OTUD7B: variants seen among roughly 807,000 people sequenced by gnomAD.
OTUD7B encodes the protein OTU deubiquitinase 7B, also known as OTU domain-containing protein 7B.
OTUD7B carries 34 observed loss-of-function variants against 82.2 expected under a neutral mutation model. The ratio of observed to expected loss-of-function variants is 0.41; its 90% CI spans 0.31 to 0.55. OTUD7B has a LOEUF of 0.55. Ranked by LOEUF, OTUD7B falls within the 20% of genes least tolerant of loss-of-function variation. The pLI is 0.20. For missense variants in OTUD7B, 944 were observed against 1,062.1 expected, an observed-to-expected ratio of 0.89 and a Z score of 1.55; for synonymous variants, 398 against 402.7, an observed-to-expected ratio of 0.99 and a Z score of 0.14.
chr1:150,022,601 T>C, the OTUD7B span, among the ~76,000 whole-genome samples: 1 of 151,878 alleles, frequency 6.6e-6, no homozygotes, highest in African/African-American at 2.4e-5. Context: ...TGGGAGCTCA[T>C]TGGAAATGCA....
chr1:150,030,047 G>T, the OTUD7B span, among the ~76,000 whole-genome samples: 1 of 152,164 alleles, frequency 6.6e-6, no homozygotes, highest in African/African-American at 2.4e-5. Context: ...TGATTTCTCT[G>T]CTACTGCATT....
the OTUD7B span, among the ~76,000 whole-genome samples, chr1:150,023,377 T>G: frequency 6.6e-6 from 1 of 152,104 alleles, no homozygotes; most frequent in South Asian, 2.1e-4. Flanking sequence ...AGCCAAGACA[T>G]AGAAGCAACC....
chr1:149,979,757 T>C (rs1179185830), intron 1 of OTUD7B, among the ~76,000 whole-genome samples: 3 of 152,196 alleles, frequency 2.0e-5, no homozygotes, highest in East Asian at 1.9e-4. Context: ...TCAGAATTAA[T>C]AGATGAATGA....
chr1:149,997,533 C>T (rs1474965824), intron 1 of OTUD7B, among the ~76,000 whole-genome samples: 1 of 152,128 alleles, frequency 6.6e-6, no homozygotes, highest in African/African-American at 2.4e-5. Flanking sequence ...TACCTTCTTG[C>T]AGGGAGAGTG....
At position 149,947,313 on chromosome 1, in the gene OTUD7B, T is replaced by C. The variant is rs370554158; in HGVS notation, c.1261A>G (p.Lys421Glu). Residue 421 changes from lysine to glutamate, a missense_variant, in exon 11 of 12, where the codon AAA becomes GAA. Transcript: ENST00000581312. ...ATGTAGCTATGCAGCAGATGCAATT[T>C]GACCTCTAGGGACAGAATTACACTA... ...LASVILSLEV[K>E]LHLLHSYMNV... The C allele has an allele frequency of 3.1e-6, 5 of 1,607,442 alleles. No homozygotes were observed. Among genetic ancestry groups the C allele is most frequent in the East Asian group, 2.2e-5 (1 of 44,826 alleles).
At chr1:150,045,098 T>C in the OTUD7B span, among the ~76,000 whole-genome samples, 1 of 151,478 alleles carries the variant, frequency 6.6e-6, no homozygotes, top group Non-Finnish European at 1.5e-5. Flanking sequence ...AACTAAATTT[T>C]TTTTTTTTTT....
At chr1:150,063,328 G>A in the OTUD7B span, among the ~76,000 whole-genome samples, 2 of 152,134 alleles carry the variant, frequency 1.3e-5, no homozygotes, top group Admixed American at 6.5e-5. Context: ...GCGGGCACCT[G>A]TAGTGCCAGT....
At chr1:150,019,026 G>A in the OTUD7B span, among the ~76,000 whole-genome samples, 5 of 152,116 alleles carry the variant, frequency 3.3e-5, no homozygotes, top group Non-Finnish European at 7.3e-5. Flanking sequence ...GGAATACCCC[G>A]ATCTAGACAT....
chr1:149,981,986 A>G (rs1471736588), intron 1 of OTUD7B, among the ~76,000 whole-genome samples: 6 of 152,044 alleles, frequency 3.9e-5, no homozygotes, highest in African/African-American at 1.4e-4. Flanking sequence ...TGTCTCTACT[A>G]CAAATACAAA....
At chr1:149,968,607 T>C (rs1480692962) in intron 3 of OTUD7B, among the ~76,000 whole-genome samples, 1 of 152,238 alleles carries the variant, frequency 6.6e-6, no homozygotes, top group Non-Finnish European at 1.5e-5. Flanking sequence ...AAAAGCATGT[T>C]GGGCTGTTCT....
the OTUD7B span, among the ~76,000 whole-genome samples, chr1:150,064,954 C>T: frequency 5.3e-5 from 8 of 152,118 alleles, no homozygotes; most frequent in Admixed American, 5.2e-4. Context: ...TTTGATTAAA[C>T]ACAAAATGGG....
intron 1 of OTUD7B, among the ~76,000 whole-genome samples, chr1:149,995,450 G>A (rs1248737304): frequency 2.6e-5 from 4 of 152,028 alleles, no homozygotes; most frequent in African/African-American, 7.2e-5. Context: ...ATGGTAGTGC[G>A]TGCCTGTAAT....
At chr1:150,051,497 T>C in the OTUD7B span, among the ~76,000 whole-genome samples, 6 of 152,088 alleles carry the variant, frequency 3.9e-5, no homozygotes, top group East Asian at 5.8e-4. Flanking sequence ...TTTATTATTA[T>C]TATTATGTCT....
chr1:150,058,603 C>T, the OTUD7B span, among the ~76,000 whole-genome samples: 1 of 152,054 alleles, frequency 6.6e-6, no homozygotes, highest in Non-Finnish European at 1.5e-5. Flanking sequence ...ATCCCAGATC[C>T]ATTGACTAAA....
At chr1:150,056,965 A>G in the OTUD7B span, among the ~76,000 whole-genome samples, 1 of 152,202 alleles carries the variant, frequency 6.6e-6, no homozygotes, top group Admixed American at 6.5e-5. Context: ...TCTCCATATG[A>G]CATATGTTAA....
rs111404370 is a variant in OTUD7B at position 149,955,158 on chromosome 1, T to G, written c.845+4526A>C. ...TAGGGTGTCAATTTTGGATCTTTCC[T>G]GCTTTCTCTTGTGGGCATTTAGTGC... On this transcript the variant is annotated intron_variant, in intron 7 of 11. Transcript: ENST00000581312. Among the ~76,000 whole-genome samples, 12 of 152,358 alleles carry G rather than the reference T, an allele frequency of 7.9e-5. 1 individual carries two copies. The South Asian group carries it at 2.1e-3, about 26-fold the overall frequency.
At position 150,010,709 on chromosome 1, in the gene OTUD7B, G is replaced by T. The variant is rs1553787180; in HGVS notation, c.-328C>A. The T allele has an allele frequency of 6.5e-6, 1 of 152,674 alleles. No homozygotes were observed. The highest frequency in any genetic ancestry group is 2.4e-5 in the African/African-American group (1 of 41,436). 9.5% of individuals were successfully genotyped at this position (152,674 alleles called of 1,614,324 possible). On this transcript the variant is annotated 5_prime_UTR_variant, in exon 1 of 12. Coordinates refer to ENST00000581312, the MANE Select transcript of OTUD7B (RefSeq NM_020205.4). The stretch of plus-strand genomic sequence containing the variant: ...ACCCGGTCGCCACTCCGGCTCCGGC[G>T]GCTGGTTCAGGATCGGTGGCTTTCT...
the OTUD7B span, among the ~76,000 whole-genome samples, chr1:150,030,304 A>G: frequency 2.0e-5 from 3 of 152,150 alleles, no homozygotes; most frequent in African/African-American, 7.2e-5. Flanking sequence ...CCCTACATTT[A>G]TAAGGCTGTT....
At chr1:149,994,370 C>G (rs1471535170) in intron 1 of OTUD7B, among the ~76,000 whole-genome samples, 1 of 151,932 alleles carries the variant, frequency 6.6e-6, no homozygotes, top group East Asian at 1.9e-4. Context: ...ATCACGAGGT[C>G]AAGAGATCGA....
Sources: allele counts gnomAD v4.1 joint callset (sites outside exome capture counted in the v4.1 genomes callset), GRCh38; gene constraint gnomAD v4.1.1; transcripts MANE v1.5; gene names NCBI Gene and HGNC (gene_info 2026-07-23, HGNC 2026-07-21).